Variants in IFT46 observed in about 807,000 individuals in gnomAD.
IFT46 encodes the protein intraflagellar transport protein 46 homolog.
IFT46 carries 19 observed loss-of-function variants against 39.6 expected under a neutral mutation model. The ratio of observed to expected loss-of-function variants is 0.48; its 90% CI spans 0.33 to 0.70. The LOEUF is 0.70. Ranked by LOEUF, IFT46 falls within the 30% of genes least tolerant of loss-of-function variation. IFT46 has a pLI of 0.01. For missense variants in IFT46, 334 were observed against 364.8 expected, an observed-to-expected ratio of 0.92 and a Z score of 0.69; for synonymous variants, 117 against 134.8, an observed-to-expected ratio of 0.87 and a Z score of 0.91.
chr11:118,544,718 GGGACAGCA>G lies in IFT46; in HGVS notation c.*190_*197del. On this transcript the variant is annotated 3_prime_UTR_variant, in exon 12 of 12. Transcript: ENST00000264021. Reference sequence around the variant, plus strand: ...GTGGTGTAGATGCATTAACTCCCCGGGGACAGCAATCTGAGGCAGGCAGGTTCATTAAA... The same window carrying G: ...GTGGTGTAGATGCATTAACTCCCCGGATCTGAGGCAGGCAGGTTCATTAAA... 1 of 547,992 alleles carries G rather than the reference GGGACAGCA, an allele frequency of 1.8e-6. No homozygotes were observed. The highest frequency in any genetic ancestry group is 3.3e-6 in the Non-Finnish European group (1 of 306,466). The allele number at this position is 547,992 out of a possible 1,614,324, so 33.9% of individuals were successfully genotyped here. A position where few individuals can be genotyped will look rare whatever the true frequency, so the allele number is the denominator to read the frequency against.
chr11:118,562,682 A>G (rs544374718), intron 2 of IFT46, among the ~76,000 whole-genome samples: 10 of 152,324 alleles, frequency 6.6e-5, no homozygotes, highest in Admixed American at 3.3e-4. Flanking sequence ...TCAAATGGAC[A>G]CTTGTACACC....
intron 9 of IFT46, 139 bp downstream of exon 9, chr11:118,551,647 C>T (rs1951802729): frequency 3.1e-6 from 2 of 641,166 alleles, no homozygotes; most frequent in Non-Finnish European, 5.3e-6. Context: ...GCACTGCAGC[C>T]TGGGAAGAGC....
At chr11:118,557,762 G>C (rs201528834) in intron 3 of IFT46, 19 of 1,613,946 alleles carry the variant, frequency 1.2e-5, no homozygotes, top group Non-Finnish European at 1.6e-5. Context: ...GGCTCTCTCT[G>C]TACCATCCCA....
At chr11:118,557,336 C>T (rs1467210925) in intron 3 of IFT46, 1 of 411,912 alleles carries the variant, frequency 2.4e-6, no homozygotes, top group Non-Finnish European at 4.3e-6. Flanking sequence ...CCTGTGTACA[C>T]TTTAGACAGC....
At chr11:118,573,750 C>CT (rs1331343023), upstream of IFT46, 1 of 668,232 alleles carries the variant, frequency 1.5e-6, no homozygotes, top group South Asian at 1.6e-5. Flanking sequence ...CATGCTTGGA[C>CT]TTTAGGCCAC....
At position 118,559,956 on chromosome 11, in the gene IFT46, T is replaced by C. The variant is rs187600186; in HGVS notation, c.-35-92A>G. 1.2e-3 allele frequency: 841 copies of C among 722,330 alleles called. 2 individuals are homozygous for C. The highest frequency in any genetic ancestry group is 1.7e-3 in the Non-Finnish European group (733 of 423,852). The allele number at this position is 722,330 out of a possible 1,614,324, so 44.7% of individuals were successfully genotyped here. On this transcript the variant is annotated intron_variant, in intron 2 of 11. Transcript: ENST00000264021. ...TTTTAATATTTTATGCTCTAACCAT[T>C]TTATAAAACAAGGTTTATTGGAACA... is the stretch of plus-strand genomic sequence containing the variant.
rs1938213426 is a variant in IFT46 at position 118,565,919 on chromosome 11, T to C, written c.-262A>G. Reference sequence around the variant, plus strand: ...AAGCAACCAGCCTGTTGTCAGTCGCTAGGCAAAAAGATAAATTTTAAAATT... The same window carrying C: ...AAGCAACCAGCCTGTTGTCAGTCGCCAGGCAAAAAGATAAATTTTAAAATT... On this transcript the variant is annotated 5_prime_UTR_variant, in exon 1 of 12. Coordinates refer to ENST00000264021, the MANE Select transcript of IFT46 (RefSeq NM_001168618.2). 1 of 152,556 alleles carries C rather than the reference T, an allele frequency of 6.6e-6. No individual in the cohort carries two copies. The highest frequency in any genetic ancestry group is 1.5e-5 in the Non-Finnish European group (1 of 68,052). 9.5% of individuals were successfully genotyped at this position (152,556 alleles called of 1,614,324 possible).
At chr11:118,545,216 CT>C (rs45461900) in intron 11 of IFT46, among the ~76,000 whole-genome samples, 192 bp downstream of exon 11, 26,789 of 151,832 alleles carry the variant, frequency 0.18, 2,939 homozygotes, top group East Asian at 0.51. Flanking sequence ...TCCACCCACC[CT>C]TTTTTTTCCT....
chr11:118,554,480 A>C lies in IFT46; in HGVS notation c.462T>G (p.Asn154Lys), dbSNP rs146449654. 28 of 1,611,826 alleles carry C rather than the reference A, an allele frequency of 1.7e-5. No individual in the cohort carries two copies. The highest frequency in any genetic ancestry group is 2.2e-5 in the Non-Finnish European group (26 of 1,179,278). Residue 154 changes from asparagine to lysine, a missense_variant, in exon 7 of 12, where the codon AAT becomes AAG. Physicochemically the swap from Asn to Lys is moderately conservative, Grantham distance 94. Coordinates refer to ENST00000264021, the MANE Select transcript of IFT46 (RefSeq NM_001168618.2). ...TTACTGTGATGTTGTGCTGCTTAGA[A>C]TTCTCTGTTAACCAGAGTGAGAGCA... is the stretch of plus-strand genomic sequence containing the variant. ...PTVLSLWLTENSKQHNITQHM... is the reference protein window; with the variant it reads ...PTVLSLWLTEKSKQHNITQHM...
chr11:118,544,829 G>A lies in IFT46; in HGVS notation c.*87C>T. 1 of 926,920 alleles carries A rather than the reference G, an allele frequency of 1.1e-6. No individual in the cohort carries two copies. The highest frequency in any genetic ancestry group is 1.7e-6 in the Non-Finnish European group (1 of 572,808). 57.4% of individuals were successfully genotyped at this position (926,920 alleles called of 1,614,324 possible). A position where few individuals can be genotyped will look rare whatever the true frequency, so the allele number is the denominator to read the frequency against. Reference sequence around the variant, plus strand: ...CTGAGCCAAGCTGTGGCATGGGCAAGGACATCAAGTAGCTGACAACGATCT... The same window carrying A: ...CTGAGCCAAGCTGTGGCATGGGCAAAGACATCAAGTAGCTGACAACGATCT... On this transcript the variant is annotated 3_prime_UTR_variant, in exon 12 of 12. Coordinates refer to ENST00000264021, the MANE Select transcript of IFT46 (RefSeq NM_001168618.2).
intron 1 of IFT46, chr11:118,572,473 T>A: frequency 6.5e-7 from 1 of 1,541,502 alleles, no homozygotes; most frequent in Non-Finnish European, 8.9e-7. Flanking sequence ...GAGCTGCTGG[T>A]GCTCCCGTTC....
intron 11 of IFT46, 90 bp from the exon 12 acceptor site, chr11:118,545,101 C>G: frequency 1.0e-6 from 1 of 973,294 alleles, no homozygotes; most frequent in East Asian, 2.6e-5. Flanking sequence ...AATGAACCCC[C>G]TTTATTTCCT....
chr11:118,560,247 C>CAAA, intron 2 of IFT46: 3 of 128,376 alleles, frequency 2.3e-5, no homozygotes, highest in Admixed American at 1.7e-4. Flanking sequence ...ATCCCATCTA[C>CAAA]AAAAAAAAAA....
At chr11:118,575,116 C>T (rs1473334198), upstream of IFT46, among the ~76,000 whole-genome samples, 3 of 152,118 alleles carry the variant, frequency 2.0e-5, no homozygotes, top group African/African-American at 7.2e-5. Flanking sequence ...GTAGCTGGGA[C>T]TGCAGGCGCC....
In IFT46 at chr11:118,554,585, G is replaced by A. The variant is rs782336644; in HGVS notation, c.357C>T (p.Val119=). Residue 119 remains valine (V), a splice_region_variant and synonymous_variant, in exon 7 of 12, where the codon GTC becomes GTT. Coordinates refer to ENST00000264021, the MANE Select transcript of IFT46 (RefSeq NM_001168618.2). The part of the protein sequence containing the change: ...AVGDIDAFLK[V]PRPDGKPDNL... ...TGTCAGGCTTTCCATCAGGACGTGG[G>A]ACCTGGTTAAGAAAAAGGTAAGAAA... The A allele has an allele frequency of 6.9e-6, 11 of 1,592,438 alleles. No individual in the cohort carries two copies. The highest frequency in any genetic ancestry group is 9.4e-6 in the Non-Finnish European group (11 of 1,174,132).
chr11:118,561,886 C>A (rs1555070640), intron 2 of IFT46, among the ~76,000 whole-genome samples: 1 of 152,154 alleles, frequency 6.6e-6, no homozygotes, highest in Non-Finnish European at 1.5e-5. Flanking sequence ...CACCTGTAAT[C>A]CCAGCACTCT....
chr11:118,562,219 G>A (rs1257958350), intron 2 of IFT46, among the ~76,000 whole-genome samples: 2 of 152,118 alleles, frequency 1.3e-5, no homozygotes, highest in African/African-American at 4.8e-5. Context: ...TGAGGTTGCA[G>A]TGGGCCGAGA....
upstream of IFT46, chr11:118,572,990 C>A (rs1322379548): frequency 1.1e-5 from 2 of 188,532 alleles, no homozygotes; most frequent in East Asian, 1.3e-4. Flanking sequence ...CTCCCACCCC[C>A]GGTGTTTGCT....
upstream of IFT46, among the ~76,000 whole-genome samples, chr11:118,575,576 A>G (rs565001090): frequency 1.9e-4 from 29 of 152,298 alleles, no homozygotes; most frequent in African/African-American, 6.7e-4. Context: ...TTTATCTATA[A>G]TAGCTTCATA....
Sources: gnomAD v4.1 joint callset for allele counts (sites outside exome capture counted in the v4.1 genomes callset) on GRCh38, gnomAD v4.1.1 for gene constraint, MANE v1.5 for transcripts, NCBI Gene and HGNC (gene_info 2026-07-23, HGNC 2026-07-21) for gene names.